Variants in THSD4 observed in about 807,000 individuals in gnomAD.
The protein encoded by THSD4 is thrombospondin type-1 domain-containing protein 4.
Under a neutral mutation model 119.0 loss-of-function variants are expected in THSD4, and 69 were observed. That is an observed-to-expected ratio of 0.58 (90% confidence interval 0.48 to 0.71). The LOEUF (loss-of-function observed/expected upper bound fraction) is 0.71, where lower values mean the gene tolerates loss of function less well. THSD4 is among the 30% of genes least tolerant of loss of function. The pLI is 0.00. For synonymous variants in THSD4, 524 were observed against 540.4 expected (o/e 0.97, Z 0.42); for missense variants, 1,393 against 1,391.1 (o/e 1.00, Z -0.02).
At chr15:71,379,482 G>A (rs1225772212) in intron 6 of THSD4, among the ~76,000 whole-genome samples, 2 of 103,910 alleles carry the variant, frequency 1.9e-5, no homozygotes, top group African/African-American at 3.9e-5. Context: ...TTTTTGAGAT[G>A]GAGTCTTGCT....
chr15:71,732,934 A>T (rs189525962), intron 10 of THSD4: 1 of 152,250 alleles, frequency 6.6e-6, no homozygotes, highest in Non-Finnish European at 1.5e-5. Context: ...AGCTGGGTGC[A>T]TCCCCAGAAC....
chr15:71,386,940 G>T (rs76962439), intron 6 of THSD4, among the ~76,000 whole-genome samples: 1 of 152,128 alleles, frequency 6.6e-6, no homozygotes, highest in Admixed American at 6.5e-5. Context: ...GATTCTGTTC[G>T]CCTCGTAATC....
chr15:71,757,507 T>A (rs922945468), intron 14 of THSD4, among the ~76,000 whole-genome samples: 3 of 348 alleles, frequency 8.6e-3, no homozygotes, highest in African/African-American at 0.05. Flanking sequence ...CATAGCTCAG[T>A]GTAGCCTCAA....
In THSD4 at chr15:71,547,647, C is replaced by A. The variant is rs544129752; in HGVS notation, c.1153-112883C>A. 64 of 757,196 alleles carry A rather than the reference C, an allele frequency of 8.5e-5. No individual in the cohort carries two copies. In the South Asian group the frequency reaches 1.4e-3, roughly 16 times the overall value. The allele number at this position is 757,196 out of a possible 1,614,324, so 46.9% of individuals were successfully genotyped here. ...CTTGCCTTTTCTTATATGAAGACTT[C>A]TTTTCTTCTTGAAGAATTTTATACT... On this transcript the variant is annotated intron_variant, in intron 7 of 17. Transcript: ENST00000261862.
intron 3 of THSD4, among the ~76,000 whole-genome samples, chr15:71,155,938 G>A (rs549591355): frequency 3.9e-5 from 6 of 152,186 alleles, no homozygotes; most frequent in Middle Eastern, 6.8e-3. Context: ...CCAGCCTCCC[G>A]GGCCATAGGA....
intron 12 of THSD4, among the ~76,000 whole-genome samples, chr15:71,746,519 C>A (rs558476661): frequency 6.6e-6 from 1 of 152,140 alleles, no homozygotes; most frequent in Admixed American, 6.5e-5. Flanking sequence ...CTCAGCCTCC[C>A]GAGTAGCTGG....
intron 3 of THSD4, among the ~76,000 whole-genome samples, chr15:71,204,592 AG>A (rs2043828955): frequency 6.6e-6 from 1 of 152,156 alleles, no homozygotes; most frequent in Admixed American, 6.5e-5. Flanking sequence ...ATGGAAACTG[AG>A]GTCCCGAGCC....
At chr15:71,469,909 TAG>T (rs1447800172) in intron 7 of THSD4, among the ~76,000 whole-genome samples, 4 of 152,120 alleles carry the variant, frequency 2.6e-5, no homozygotes, top group African/African-American at 9.7e-5. Context: ...ACAGTTATAA[TAG>T]AGAGGAATTC....
chr15:71,272,896 A>T (rs999657457), intron 6 of THSD4, among the ~76,000 whole-genome samples: 1 of 152,096 alleles, frequency 6.6e-6, no homozygotes, highest in African/African-American at 2.4e-5. Flanking sequence ...AAAAATGGTA[A>T]GTGTTGGCCA....
At chr15:71,482,825 G>C (rs1051080569) in intron 7 of THSD4, among the ~76,000 whole-genome samples, 1 of 151,898 alleles carries the variant, frequency 6.6e-6, no homozygotes, top group Non-Finnish European at 1.5e-5. Context: ...GTCCTCAGGT[G>C]ATCCACCCAC....
intron 6 of THSD4, among the ~76,000 whole-genome samples, chr15:71,292,675 ATTTTTT>A (rs36103838): frequency 2.5e-4 from 33 of 130,608 alleles, no homozygotes; most frequent in African/African-American, 9.0e-4. Context: ...ATATAACAGG[ATTTTTT>A]TTTTTTTTTT....
rs1270574045 is a variant in THSD4 at position 71,780,628 on chromosome 15, G to C, written c.*3254G>C. On this transcript the variant is annotated 3_prime_UTR_variant, in exon 18 of 18. Transcript: ENST00000261862. ...GCTCAGTGCCCGCTGCCTGCAAGCTGTTGGGGACCCCAGGGAGGGCAAGGC... is the reference window on the plus strand; with the variant it reads ...GCTCAGTGCCCGCTGCCTGCAAGCTCTTGGGGACCCCAGGGAGGGCAAGGC... 4.4e-6 allele frequency: 2 copies of C among 456,590 alleles called. No individual in the cohort carries two copies. The highest frequency in any genetic ancestry group is 8.8e-6 in the Non-Finnish European group (2 of 226,916). 28.3% of individuals were successfully genotyped at this position (456,590 alleles called of 1,614,324 possible). A position where few individuals can be genotyped will look rare whatever the true frequency, so the allele number is the denominator to read the frequency against.
intron 7 of THSD4, among the ~76,000 whole-genome samples, chr15:71,571,858 C>G (rs2049365145): frequency 1.3e-5 from 2 of 152,172 alleles, no homozygotes; most frequent in Admixed American, 1.3e-4. Context: ...CTGGGGTTGG[C>G]CACAAACAGC....
At chr15:71,450,687 G>C (rs1231154707) in intron 7 of THSD4, among the ~76,000 whole-genome samples, 1 of 152,196 alleles carries the variant, frequency 6.6e-6, no homozygotes, top group Non-Finnish European at 1.5e-5. Context: ...GGTAGTGTAG[G>C]GGAGGGAAAT....
At chr15:71,587,953 A>G (rs751751297) in intron 7 of THSD4, among the ~76,000 whole-genome samples, 1 of 152,096 alleles carries the variant, frequency 6.6e-6, no homozygotes, top group African/African-American at 2.4e-5. Context: ...GAGATCCTCT[A>G]CCTCTAAAAC....
chr15:71,188,518 AACTGGTCCTGGCGTAGG>A (rs1056570761), intron 3 of THSD4, among the ~76,000 whole-genome samples: 3 of 152,120 alleles, frequency 2.0e-5, no homozygotes, highest in Non-Finnish European at 4.4e-5. Context: ...AGGAGGATTC[AACTGGTCCTGGCGTAGG>A]ACTGGTCATC....
chr15:71,640,006 T>C (rs2050824098), intron 7 of THSD4, among the ~76,000 whole-genome samples: 1 of 152,280 alleles, frequency 6.6e-6, no homozygotes, highest in East Asian at 1.9e-4. Context: ...AGAAAGAAAT[T>C]GTACTGCTCA....
intron 4 of THSD4, among the ~76,000 whole-genome samples, chr15:71,216,540 G>C (rs150331231): frequency 6.6e-6 from 1 of 152,198 alleles, no homozygotes; most frequent in Non-Finnish European, 1.5e-5. Flanking sequence ...GGACCATTTC[G>C]GGAAGAAGGG....
chr15:71,165,598 G>A (rs1472976418), intron 3 of THSD4, among the ~76,000 whole-genome samples: 1 of 152,086 alleles, frequency 6.6e-6, no homozygotes, highest in African/African-American at 2.4e-5. Flanking sequence ...TGTTGGTCGG[G>A]AATGGTATGT....
Sources: gnomAD v4.1 joint callset for allele counts (sites outside exome capture counted in the v4.1 genomes callset) on GRCh38, gnomAD v4.1.1 for gene constraint, MANE v1.5 for transcripts, NCBI Gene and HGNC (gene_info 2026-07-23, HGNC 2026-07-21) for gene names.